The following DOCK5 variants were observed in gnomAD, a reference collection of about 807,000 sequenced individuals.
The protein encoded by DOCK5 is dedicator of cytokinesis 5, also known as dedicator of cytokinesis protein 5.
In DOCK5, 142 loss-of-function variants were observed where a neutral mutation model predicts 251.8. The observed-to-expected ratio is 0.56, with a 90% confidence interval of 0.49 to 0.65. The LOEUF (loss-of-function observed/expected upper bound fraction) is 0.65. DOCK5 is among the 30% of genes least tolerant of loss of function. The pLI is 0.00. For synonymous variants in DOCK5, 842 were observed against 835.5 expected, an observed-to-expected ratio of 1.01 and a Z score of -0.13; for missense variants, 2,111 against 2,312.3, an observed-to-expected ratio of 0.91 and a Z score of 1.79.
chr8:25,225,256 A>G (rs1802499201), intron 1 of DOCK5, among the ~76,000 whole-genome samples: 1 of 152,214 alleles, frequency 6.6e-6, no homozygotes, highest in African/African-American at 2.4e-5. Context: ...GGTATATCCA[A>G]AAGAACTGAA....
intron 47 of DOCK5, among the ~76,000 whole-genome samples, chr8:25,402,898 A>G (rs1801462365): frequency 6.6e-6 from 1 of 152,118 alleles, no homozygotes; most frequent in Non-Finnish European, 1.5e-5. Context: ...TCTTTCAGCC[A>G]TTAAGTGTTC....
intron 9 of DOCK5, 45 bp downstream of exon 9, chr8:25,300,702 G>T: frequency 1.3e-6 from 2 of 1,526,276 alleles, no homozygotes; most frequent in Non-Finnish European, 1.8e-6. Flanking sequence ...TTTGTGATAT[G>T]AGCATATTCA....
chr8:25,297,006 G>T (rs1361213532), intron 7 of DOCK5, among the ~76,000 whole-genome samples: 2 of 152,150 alleles, frequency 1.3e-5, no homozygotes, highest in African/African-American at 4.8e-5. Context: ...GGAAAACGGG[G>T]TGGGAGGGAG....
chr8:25,392,448 A>G (rs993092976), intron 43 of DOCK5, among the ~76,000 whole-genome samples: 1 of 152,164 alleles, frequency 6.6e-6, no homozygotes, highest in Non-Finnish European at 1.5e-5. Context: ...CTAATTACCT[A>G]GACAGCCAGC....
At chr8:25,330,029 G>T (rs1290153959) in intron 18 of DOCK5, among the ~76,000 whole-genome samples, 1 of 152,168 alleles carries the variant, frequency 6.6e-6, no homozygotes, top group Non-Finnish European at 1.5e-5. Flanking sequence ...AAACCTCTGG[G>T]CTGATAGATG....
chr8:25,322,670 G>A (rs71517814), intron 16 of DOCK5, among the ~76,000 whole-genome samples: 7,343 of 152,246 alleles, frequency 0.048, 257 homozygotes, highest in South Asian at 0.12. Context: ...AATATAACAA[G>A]GTACATTCTA....
intron 5 of DOCK5, among the ~76,000 whole-genome samples, chr8:25,289,191 C>G (rs886972387): frequency 6.6e-6 from 1 of 152,154 alleles, no homozygotes; most frequent in Non-Finnish European, 1.5e-5. Context: ...TGTTTCTAGT[C>G]TACACCTGGT....
In DOCK5 at chr8:25,355,227, C is replaced by A. The variant is rs561105102; in HGVS notation, c.2850+3401C>A. 2.6e-5 allele frequency among the ~76,000 whole-genome samples: 4 copies of A among 152,066 alleles called. No individual in the cohort carries two copies. In the South Asian group the frequency reaches 8.3e-4, roughly 32 times the overall value. On this transcript the variant is annotated intron_variant, in intron 27 of 51. Transcript: ENST00000276440. ...TCAGCCTGGGTGACAGAATGAGAAC[C>A]TGTCTCTATTTAGAAAAAAAAAGGT...
At chr8:25,341,674 C>T (rs1333464280) in intron 23 of DOCK5, 65 bp from the exon 24 acceptor site, 3 of 1,339,240 alleles carry the variant, frequency 2.2e-6, no homozygotes, top group Non-Finnish European at 3.1e-6. Context: ...TTCCTGGGAT[C>T]AAGCAGTAAA....
At chr8:25,320,762 G>A (rs1805402047) in intron 15 of DOCK5, among the ~76,000 whole-genome samples, 9 of 152,180 alleles carry the variant, frequency 5.9e-5, no homozygotes. Flanking sequence ...GAAATTCACA[G>A]TATCCCTATG....
At chr8:25,311,435 C>T (rs1379078653) in intron 13 of DOCK5, among the ~76,000 whole-genome samples, 3 of 150,508 alleles carry the variant, frequency 2.0e-5, no homozygotes, top group Admixed American at 6.6e-5. Flanking sequence ...CCCAGCTACT[C>T]GGGAGGCTGA....
chr8:25,352,244 CAGGGAGGGAAGGGAGGG>C (rs1482227726), intron 27 of DOCK5, among the ~76,000 whole-genome samples: 1 of 43,130 alleles, frequency 2.3e-5, no homozygotes, highest in African/African-American at 9.4e-5. Flanking sequence ...AAGCAGCAAG[CAGGGAGGGAAGGGAGGG>C]AGGGAGGGAG....
intron 11 of DOCK5, chr8:25,305,166 C>G (rs1490511633): frequency 6.6e-6 from 1 of 152,130 alleles, no homozygotes; most frequent in African/African-American, 2.4e-5. Flanking sequence ...AGCTCACTTG[C>G]AGCTGCCACT....
intron 37 of DOCK5, chr8:25,376,952 C>G (rs1452542462): frequency 6.1e-6 from 1 of 163,322 alleles, no homozygotes; most frequent in Non-Finnish European, 1.3e-5. Flanking sequence ...GGAATACAAC[C>G]ATAATGTTTG....
chr8:25,237,547 G>A (rs1046534985), intron 1 of DOCK5, among the ~76,000 whole-genome samples: 26 of 152,250 alleles, frequency 1.7e-4, no homozygotes, highest in Middle Eastern at 3.4e-3. Context: ...TTAAAAGAAA[G>A]AGCCAAATCA....
At chr8:25,381,203 A>T (rs1286054227) in intron 39 of DOCK5, among the ~76,000 whole-genome samples, 1 of 152,256 alleles carries the variant, frequency 6.6e-6, no homozygotes, top group African/African-American at 2.4e-5. Context: ...GTTAGAAAAG[A>T]TCAGGTCACC....
intron 25 of DOCK5, 78 bp downstream of exon 25, chr8:25,342,585 G>A: frequency 9.6e-7 from 1 of 1,045,570 alleles, no homozygotes. Flanking sequence ...CTGGGTGACA[G>A]AACAAGACTC....
At chr8:25,246,205 C>A (rs1236948349) in intron 2 of DOCK5, among the ~76,000 whole-genome samples, 8 of 152,162 alleles carry the variant, frequency 5.3e-5, no homozygotes. Context: ...CCTCCTGGCT[C>A]CACAAGGCCA....
At chr8:25,403,494 C>T (rs1801472059) in intron 47 of DOCK5, 64 bp from the exon 48 acceptor site, 4 of 1,559,530 alleles carry the variant, frequency 2.6e-6, no homozygotes, top group Middle Eastern at 4.2e-4. Context: ...AACAGGGCAG[C>T]TGTGGCCAGT....
Sources: allele counts gnomAD v4.1 joint callset (sites outside exome capture counted in the v4.1 genomes callset), GRCh38; gene constraint gnomAD v4.1.1; transcripts MANE v1.5; gene names NCBI Gene and HGNC (gene_info 2026-07-23, HGNC 2026-07-21).